PDE4D: variants seen among roughly 807,000 people sequenced by gnomAD.
The protein encoded by PDE4D is 3',5'-cyclic-AMP phosphodiesterase 4D.
PDE4D carries 24 observed loss-of-function variants against 87.4 expected under a neutral mutation model. That is an observed-to-expected ratio of 0.27 (90% CI 0.20 to 0.39). The LOEUF (loss-of-function observed/expected upper bound fraction) is 0.39. PDE4D is among the 10% of genes least tolerant of loss of function. PDE4D has a pLI of 1.00. For missense variants in PDE4D, 714 were observed against 1,041.0 expected (o/e 0.69, Z 4.32); for synonymous variants, 384 against 383.2 (o/e 1.00, Z -0.02).
chr5:59,522,138 C>A (rs1311759377), intron 1 of PDE4D, among the ~76,000 whole-genome samples: 1 of 152,124 alleles, frequency 6.6e-6, no homozygotes, highest in East Asian at 1.9e-4. Context: ...ATTTGATAAT[C>A]AGCTCAGCTC....
At chr5:60,087,044 T>TTTGG (rs1562075915) in intron 2 of PDE4D, among the ~76,000 whole-genome samples, 1 of 152,222 alleles carries the variant, frequency 6.6e-6, no homozygotes, top group African/African-American at 2.4e-5. Context: ...CTCACCTGTC[T>TTTGG]TTACCAGACT....
At chr5:59,549,264 T>C (rs1817738816) in intron 1 of PDE4D, among the ~76,000 whole-genome samples, 1 of 152,184 alleles carries the variant, frequency 6.6e-6, no homozygotes, top group Non-Finnish European at 1.5e-5. Context: ...CACTGTGAAA[T>C]GTTAAGTGTT....
chr5:59,006,665 A>C (rs1751683889), intron 6 of PDE4D, among the ~76,000 whole-genome samples: 1 of 152,166 alleles, frequency 6.6e-6, no homozygotes, highest in South Asian at 2.1e-4. Context: ...GAATTTCTAG[A>C]GGCCACTTCC....
intron 2 of PDE4D, among the ~76,000 whole-genome samples, chr5:60,011,063 G>A (rs545984605): frequency 5.9e-5 from 9 of 152,172 alleles, no homozygotes; most frequent in Non-Finnish European, 1.2e-4. Context: ...AGACAAGATT[G>A]TAATTCTGAT....
chr5:59,753,522 C>T (rs926083344), intron 1 of PDE4D, among the ~76,000 whole-genome samples: 2 of 152,052 alleles, frequency 1.3e-5, no homozygotes, highest in African/African-American at 4.8e-5. Flanking sequence ...GAACTTGAGC[C>T]TGGGAAATGA....
chr5:60,296,945 G>T (rs1314471304), intron 1 of PDE4D, among the ~76,000 whole-genome samples: 1 of 152,094 alleles, frequency 6.6e-6, no homozygotes, highest in Non-Finnish European at 1.5e-5. Context: ...CTGTCGGGAG[G>T]TGGGGGGCAA....
intron 6 of PDE4D, among the ~76,000 whole-genome samples, chr5:59,031,094 G>T (rs796701314): frequency 2.0e-5 from 3 of 152,128 alleles, no homozygotes; most frequent in African/African-American, 7.2e-5. Flanking sequence ...TGTTGGCAAG[G>T]ATGTGGAGAA....
chr5:59,250,010 T>C (rs1759606546), intron 1 of PDE4D, among the ~76,000 whole-genome samples: 2 of 151,960 alleles, frequency 1.3e-5, no homozygotes, highest in South Asian at 4.2e-4. Flanking sequence ...AAAATAATTT[T>C]TATTTTTTAT....
chr5:59,077,165 C>G (rs1342938793), intron 5 of PDE4D, among the ~76,000 whole-genome samples: 3 of 152,010 alleles, frequency 2.0e-5, no homozygotes, highest in Non-Finnish European at 4.4e-5. Context: ...TTAGAGTGCT[C>G]TTCTGAATAT....
chr5:59,163,334 C>T (rs1382109050), intron 5 of PDE4D, among the ~76,000 whole-genome samples: 4 of 148,414 alleles, frequency 2.7e-5, no homozygotes, highest in Admixed American at 6.8e-5. Context: ...TGCAATGGCG[C>T]GATCTCAGCT....
Position 58,993,476 on chromosome 5 carries a change from G to C in PDE4D, c.922-11C>G, listed in dbSNP as rs768039103. On this transcript the variant is annotated splice_polypyrimidine_tract_variant and intron_variant, in intron 6 of 14. Coordinates refer to ENST00000340635, the MANE Select transcript of PDE4D (RefSeq NM_001104631.2). ...AAGCATCCTTTTAAACTGAAAAACA[G>C]AAAAGTAAAATGAAATAATAGAAGA... 8 of 1,531,978 alleles carry C rather than the reference G, an allele frequency of 5.2e-6. No homozygotes were observed. Among genetic ancestry groups the C allele is most frequent in the Non-Finnish European group, 7.1e-6 (8 of 1,121,858 alleles). The allele number at this position is 1,531,978 out of a possible 1,614,324, so 94.9% of individuals were successfully genotyped here. A position where few individuals can be genotyped will look rare whatever the true frequency, so the allele number is the denominator to read the frequency against.
At chr5:59,148,825 T>C (rs908554574) in intron 5 of PDE4D, among the ~76,000 whole-genome samples, 1 of 150,696 alleles carries the variant, frequency 6.6e-6, no homozygotes, top group Admixed American at 6.6e-5. Context: ...TTTAAAAAAT[T>C]GATTCTGTTC....
chr5:60,139,616 T>A (rs566452926), intron 2 of PDE4D, among the ~76,000 whole-genome samples: 3 of 152,040 alleles, frequency 2.0e-5, no homozygotes, highest in Middle Eastern at 3.4e-3. Flanking sequence ...ATAATGCATG[T>A]AAGCACGTGA....
chr5:59,337,593 CTAT>C (rs1295282714), intron 1 of PDE4D, among the ~76,000 whole-genome samples: 2 of 151,990 alleles, frequency 1.3e-5, no homozygotes, highest in African/African-American at 2.4e-5. Flanking sequence ...GCCTTATGAG[CTAT>C]TATTATTATT....
In PDE4D at chr5:59,294,856, T is replaced by A. The variant is rs74553120; in HGVS notation, c.456-78888A>T. Among the ~76,000 whole-genome samples the A allele has an allele frequency of 2.7e-3, 408 of 152,282 alleles. 3 individuals are homozygous for A. Among genetic ancestry groups the A allele is most frequent in the African/African-American group, 9.5e-3 (394 of 41,558 alleles). ...GTGTGCCTTTATGAAAGCTAATAAC[T>A]AGGAACAGTTTAATAGAATGCTCTT... On this transcript the variant is annotated intron_variant, in intron 1 of 14. Transcript: ENST00000340635.
chr5:59,371,716 A>C lies in PDE4D; in HGVS notation c.456-155748T>G, dbSNP rs141484539. Among the ~76,000 whole-genome samples, 55 of 152,336 alleles carry C rather than the reference A, an allele frequency of 3.6e-4. No homozygotes were observed. In the East Asian group the frequency reaches 0.01, roughly 28 times the overall value. ...CTAATAACTAAAGTATTAGAAAAAG[A>C]TAAGTTTCGGTATGAATATACTATA... On this transcript the variant is annotated intron_variant, in intron 1 of 14. Transcript: ENST00000340635.
chr5:59,595,351 C>G lies in PDE4D; in HGVS notation c.455+297817G>C, dbSNP rs139644800. ...TTTCATTTAGGAAACCATGCAAGTT[C>G]AACATGGGAAATACAAAAATAAAAT... On this transcript the variant is annotated intron_variant, in intron 1 of 14. Coordinates refer to ENST00000340635, the MANE Select transcript of PDE4D (RefSeq NM_001104631.2). 9.9e-5 allele frequency among the ~76,000 whole-genome samples: 15 copies of G among 152,144 alleles called. No homozygotes were observed. In the East Asian group the frequency reaches 2.9e-3, roughly 29 times the overall value.
At chr5:59,744,235 AT>A (rs1759281726) in intron 1 of PDE4D, among the ~76,000 whole-genome samples, 1 of 152,116 alleles carries the variant, frequency 6.6e-6, no homozygotes, top group South Asian at 2.1e-4. Context: ...GAGGAATCTT[AT>A]TTCTCTGATT....
rs185366636 is a variant in PDE4D at position 59,594,164 on chromosome 5, G to T, written c.455+299004C>A. Among the ~76,000 whole-genome samples, 122 of 149,742 alleles carry T rather than the reference G, an allele frequency of 8.1e-4. 1 individual carries two copies. The Middle Eastern group carries it at 0.01, about 13-fold the overall frequency. Reference sequence around the variant, plus strand: ...CTATGGTATAAGAAAAAAAAAACCTGAAAAACACTTAGGAGATTCACAATC... The same window carrying T: ...CTATGGTATAAGAAAAAAAAAACCTTAAAAACACTTAGGAGATTCACAATC... On this transcript the variant is annotated intron_variant, in intron 1 of 14. Coordinates refer to ENST00000340635, the MANE Select transcript of PDE4D (RefSeq NM_001104631.2).
Sources: allele counts gnomAD v4.1 joint callset (sites outside exome capture counted in the v4.1 genomes callset), GRCh38; gene constraint gnomAD v4.1.1; transcripts MANE v1.5; gene names NCBI Gene and HGNC (gene_info 2026-07-23, HGNC 2026-07-21).